RGS6: variants seen among roughly 807,000 people sequenced by gnomAD.
RGS6 encodes regulator of G-protein signaling 6.
RGS6 carries 30 observed loss-of-function variants against 78.5 expected under a neutral mutation model. The ratio of observed to expected loss-of-function variants is 0.38; its 90% CI spans 0.29 to 0.52. The LOEUF (loss-of-function observed/expected upper bound fraction) is 0.52. RGS6 is among the 20% of genes least tolerant of loss of function. The pLI, the probability that RGS6 is intolerant of heterozygous loss-of-function variation, is 0.85. For synonymous variants in RGS6, 206 were observed against 206.0 expected, an observed-to-expected ratio of 1.00 and a Z score of 0.00; for missense variants, 495 against 609.7, an observed-to-expected ratio of 0.81 and a Z score of 1.98.
intron 14 of RGS6, chr14:72,516,802 A>G (rs2096951235): frequency 6.6e-6 from 1 of 152,336 alleles, no homozygotes; most frequent in South Asian, 2.1e-4. Flanking sequence ...AGAAAGGTAC[A>G]CCAAGGCAAG....
chr14:72,454,378 G>T, intron 3 of RGS6, 150 bp from the exon 4 acceptor site: 1 of 733,038 alleles, frequency 1.4e-6, no homozygotes, highest in Non-Finnish European at 2.5e-6. Context: ...AGAATGGAAA[G>T]GGTTGGTTAG....
At chr14:71,869,232 A>G in the RGS6 span, among the ~76,000 whole-genome samples, 1 of 152,240 alleles carries the variant, frequency 6.6e-6, no homozygotes, top group Non-Finnish European at 1.5e-5. Context: ...TCGCCTTTAA[A>G]ATTGGCTTAA....
the RGS6 span, among the ~76,000 whole-genome samples, chr14:71,873,388 A>G: frequency 9.2e-5 from 14 of 152,256 alleles, no homozygotes; most frequent in East Asian, 2.1e-3. Flanking sequence ...TTCTCTGATG[A>G]CCAGTGATGA....
At chr14:72,109,696 C>T (rs536098957) in intron 2 of RGS6, among the ~76,000 whole-genome samples, 1 of 152,288 alleles carries the variant, frequency 6.6e-6, no homozygotes, top group African/African-American at 2.4e-5. Context: ...AGTATATACA[C>T]TTTATTTCTT....
At chr14:72,284,280 G>T (rs566454070) in intron 2 of RGS6, among the ~76,000 whole-genome samples, 1 of 152,192 alleles carries the variant, frequency 6.6e-6, no homozygotes, top group African/African-American at 2.4e-5. Context: ...AATCACCAAG[G>T]CAATGGGGAA....
intron 1 of RGS6, among the ~76,000 whole-genome samples, chr14:71,936,041 TGTAC>T (rs1239380120): frequency 1.0e-4 from 13 of 127,680 alleles, no homozygotes; most frequent in African/African-American, 1.7e-4. Context: ...TATATATATA[TGTAC>T]ATATATATCA....
chr14:72,124,376 A>G (rs1006375889), intron 2 of RGS6, among the ~76,000 whole-genome samples: 5 of 152,192 alleles, frequency 3.3e-5, no homozygotes, highest in African/African-American at 1.2e-4. Context: ...TTTTTTCTTA[A>G]TAACGAACAC....
chr14:72,471,426 G>A (rs990927855), intron 8 of RGS6, among the ~76,000 whole-genome samples: 1 of 152,234 alleles, frequency 6.6e-6, no homozygotes, highest in African/African-American at 2.4e-5. Flanking sequence ...GGAGAAGTGG[G>A]ACAGGAGCAG....
rs1396576572 is a variant in RGS6, at chr14:72,372,425, G to A, written c.184+20231G>A. Among the ~76,000 whole-genome samples the A allele has an allele frequency of 2.6e-5, 4 of 152,280 alleles. No individual in the cohort carries two copies. The South Asian group carries it at 6.2e-4, about 24-fold the overall frequency. ...TCCAAGAAGGAAATCATTGGCTCAG[G>A]ATTTTCTACAGCGATCTATCCTGTA... On this transcript the variant is annotated intron_variant, in intron 3 of 17. Transcript: ENST00000553525.
At chr14:72,479,726 G>A (rs1387528394) in intron 12 of RGS6, among the ~76,000 whole-genome samples, 1 of 152,152 alleles carries the variant, frequency 6.6e-6, no homozygotes, top group Admixed American at 6.6e-5. Flanking sequence ...CAGAGTACCA[G>A]GCTCTGAAAA....
chr14:72,117,487 A>G (rs2095926130), intron 2 of RGS6, among the ~76,000 whole-genome samples: 1 of 152,076 alleles, frequency 6.6e-6, no homozygotes, highest in Admixed American at 6.5e-5. Context: ...CAACAGAAGC[A>G]GATATTGGCA....
chr14:71,987,042 C>T (rs549609727), intron 2 of RGS6, among the ~76,000 whole-genome samples: 15 of 152,316 alleles, frequency 9.8e-5, no homozygotes, highest in African/African-American at 3.4e-4. Flanking sequence ...CCTGCAGAGT[C>T]TCTTTTGCCA....
At chr14:71,876,545 C>T in the RGS6 span, among the ~76,000 whole-genome samples, 1 of 94,794 alleles carries the variant, frequency 1.1e-5, no homozygotes, top group Non-Finnish European at 2.0e-5. Flanking sequence ...TTCCTCCATC[C>T]CTTTATTTTG....
At chr14:72,367,267 C>A (rs1566641612) in intron 3 of RGS6, among the ~76,000 whole-genome samples, 1 of 152,180 alleles carries the variant, frequency 6.6e-6, no homozygotes, top group South Asian at 2.1e-4. Flanking sequence ...AGGACATCCC[C>A]ATGGGTCTGG....
chr14:71,886,717 A>G, the RGS6 span, among the ~76,000 whole-genome samples: 1 of 152,244 alleles, frequency 6.6e-6, no homozygotes, highest in Non-Finnish European at 1.5e-5. Flanking sequence ...TAATTTAGGT[A>G]TAACTTGAAG....
At chr14:72,271,422 C>T (rs568904568) in intron 2 of RGS6, among the ~76,000 whole-genome samples, 11 of 152,084 alleles carry the variant, frequency 7.2e-5, no homozygotes, top group Non-Finnish European at 1.0e-4. Context: ...GATTAACTTA[C>T]CTCCCACTGA....
At chr14:72,292,336 C>T (rs1471203310) in intron 2 of RGS6, among the ~76,000 whole-genome samples, 2 of 152,192 alleles carry the variant, frequency 1.3e-5, no homozygotes, top group South Asian at 2.1e-4. Context: ...TCGCTGATCA[C>T]ACACAGCCAG....
intron 2 of RGS6, among the ~76,000 whole-genome samples, chr14:72,054,854 A>T (rs535300705): frequency 6.6e-6 from 1 of 152,298 alleles, no homozygotes; most frequent in South Asian, 2.1e-4. Flanking sequence ...TTTGAACTTT[A>T]TGAAGAGGTA....
intron 2 of RGS6, among the ~76,000 whole-genome samples, chr14:72,246,905 CA>C (rs10534194): frequency 0.015 from 2,112 of 145,342 alleles, 24 homozygotes; most frequent in African/African-American, 0.025. Context: ...GACTCCATCT[CA>C]AAAAAAAAAA....
Sources: gnomAD v4.1 joint callset for allele counts (sites outside exome capture counted in the v4.1 genomes callset) on GRCh38, gnomAD v4.1.1 for gene constraint, MANE v1.5 for transcripts, NCBI Gene and HGNC (gene_info 2026-07-23, HGNC 2026-07-21) for gene names.